The following ACSL5 variants were observed in gnomAD, a reference collection of about 807,000 sequenced individuals.
The protein encoded by ACSL5 is acyl-CoA synthetase long chain family member 5, also known as long-chain-fatty-acid--CoA ligase 5.
A neutral mutation model predicts 84.9 loss-of-function variants in ACSL5; 50 were observed. The observed-to-expected ratio is 0.59, with a 90% CI of 0.47 to 0.75. The LOEUF (loss-of-function observed/expected upper bound fraction) is 0.75, where lower values mean the gene tolerates loss of function less well. Among genes scored for constraint, ACSL5 ranks in the 30% least tolerant of loss-of-function variants. ACSL5 has a pLI of 0.00. For synonymous variants in ACSL5, 280 were observed against 300.7 expected, an observed-to-expected ratio of 0.93 and a Z score of 0.71; for missense variants, 775 against 830.4, an observed-to-expected ratio of 0.93 and a Z score of 0.82.
chr10:112,411,588 T>G, intron 10 of ACSL5, 59 bp downstream of exon 10: 1 of 1,517,016 alleles, frequency 6.6e-7, no homozygotes, highest in Non-Finnish European at 9.1e-7. Flanking sequence ...ATAAGATTTT[T>G]ATTTTTGAGG....
chr10:112,394,849 C>A, intron 1 of ACSL5, 69 bp from the exon 2 acceptor site: 1 of 1,573,334 alleles, frequency 6.4e-7, no homozygotes. Flanking sequence ...CTTCTGAAAA[C>A]ATAGAGCTAT....
chr10:112,385,562 A>G (rs1373589522), intron 1 of ACSL5, among the ~76,000 whole-genome samples: 2 of 152,222 alleles, frequency 1.3e-5, no homozygotes, highest in African/African-American at 2.4e-5. Flanking sequence ...TTAAATCTGC[A>G]TTCTTAAGAA....
intron 2 of ACSL5, among the ~76,000 whole-genome samples, chr10:112,397,225 A>G (rs1589680897): frequency 6.7e-6 from 1 of 150,346 alleles, no homozygotes; most frequent in South Asian, 2.1e-4. Flanking sequence ...TTGGAGTGCA[A>G]ATGGTGTGAT....
chr10:112,388,728 T>C (rs917539447), intron 1 of ACSL5, among the ~76,000 whole-genome samples: 1 of 152,202 alleles, frequency 6.6e-6, no homozygotes, highest in East Asian at 1.9e-4. Context: ...AACAGTGTCA[T>C]GGAGAAGAGA....
At chr10:112,426,097 A>AC (rs1844687651) in intron 18 of ACSL5, among the ~76,000 whole-genome samples, 161 bp from the exon 19 acceptor site, 1 of 22,258 alleles carries the variant, frequency 4.5e-5, no homozygotes, top group South Asian at 2.8e-3. Flanking sequence ...TTACAGTTCC[A>AC]TGGTGTTGAA....
At chr10:112,421,857 T>A in intron 15 of ACSL5, 90 bp from the exon 16 acceptor site, 1 of 1,441,574 alleles carries the variant, frequency 6.9e-7, no homozygotes, top group Non-Finnish European at 9.7e-7. Context: ...GTCTTCCTCT[T>A]CTAGAGTCAA....
intron 7 of ACSL5, chr10:112,410,199 A>T: frequency 6.7e-7 from 1 of 1,483,372 alleles, no homozygotes; most frequent in Non-Finnish European, 9.0e-7. Context: ...TTAGGGCCCT[A>T]GATGACTGAA....
chr10:112,387,153 A>G (rs1202364857), intron 1 of ACSL5, among the ~76,000 whole-genome samples: 2 of 152,220 alleles, frequency 1.3e-5, no homozygotes, highest in African/African-American at 4.8e-5. Context: ...GGCTTTTTCC[A>G]TATGATGCTT....
chr10:112,422,218 T>C (rs1364240898), intron 16 of ACSL5, 107 bp from the exon 17 acceptor site: 2 of 1,098,150 alleles, frequency 1.8e-6, no homozygotes, highest in South Asian at 1.4e-5. Flanking sequence ...CTTCACAGTG[T>C]AGTGGAAGCC....
At chr10:112,387,935 C>T (rs1272606158) in intron 1 of ACSL5, among the ~76,000 whole-genome samples, 17 of 108,420 alleles carry the variant, frequency 1.6e-4, no homozygotes, top group African/African-American at 5.3e-4. Flanking sequence ...TTTATTTGTT[C>T]CTTTTTTTTT....
intron 3 of ACSL5, among the ~76,000 whole-genome samples, chr10:112,400,534 G>A (rs992672361): frequency 3.4e-5 from 5 of 145,944 alleles, no homozygotes; most frequent in African/African-American, 1.3e-4. Flanking sequence ...TCAGCCTCCC[G>A]AGTAGCTGGG....
Position 112,409,538 on chromosome 10 carries a change from C to T in ACSL5, c.564C>T (p.Pro188=). ...ADIAMVICDT[P]QKALVLIGNV... ...TCGCCATGGTGATCTGTGACACACC[C>T]CAAAAGGCATTGGTGCTGATAGGGA... Residue 188 remains proline, a synonymous_variant, in exon 7 of 21, where the codon CCC becomes CCT. Coordinates refer to ENST00000354655, the MANE Select transcript of ACSL5 (RefSeq NM_203379.2). 1.2e-6 allele frequency: 2 copies of T among 1,613,722 alleles called. No individual in the cohort carries two copies. The highest frequency in any genetic ancestry group is 1.7e-6 in the Non-Finnish European group (2 of 1,179,988).
chr10:112,416,502 T>A (rs1183571048), intron 12 of ACSL5, among the ~76,000 whole-genome samples: 1 of 150,838 alleles, frequency 6.6e-6, no homozygotes, highest in Non-Finnish European at 1.5e-5. Flanking sequence ...AAAATCAGAT[T>A]CGTAGGCTGC....
At chr10:112,383,211 G>T (rs1849385055) in intron 1 of ACSL5, among the ~76,000 whole-genome samples, 1 of 152,226 alleles carries the variant, frequency 6.6e-6, no homozygotes, top group South Asian at 2.1e-4. Flanking sequence ...CTTAAGCCTG[G>T]GAAGTTAACA....
At chr10:112,384,939 A>C (rs1481424139) in intron 1 of ACSL5, among the ~76,000 whole-genome samples, 1 of 152,194 alleles carries the variant, frequency 6.6e-6, no homozygotes, top group African/African-American at 2.4e-5. Flanking sequence ...CTGGCAGTAC[A>C]TCATGAGCTC....
In ACSL5 at chr10:112,427,346, C is replaced by T. The variant is rs146016544; in HGVS notation, c.2040C>T (p.His680=). ...CCCAAATTGACAGCCTGTATGAGCA[C>T]ATCCAGGATTAGGATAAGGTACTTA... The part of the protein sequence containing the change: ...FRTQIDSLYE[H]IQD The change falls in exon 21 of 21, where the codon CAC becomes CAT. Residue 680 remains histidine, a synonymous_variant. Transcript: ENST00000354655. The T allele has an allele frequency of 5.3e-5, 85 of 1,612,730 alleles. No homozygotes were observed. The African/African-American group carries it at 9.7e-4, about 18-fold the overall frequency.
intron 7 of ACSL5, chr10:112,410,163 A>C: frequency 7.3e-7 from 1 of 1,377,208 alleles, no homozygotes; most frequent in Non-Finnish European, 9.5e-7. Flanking sequence ...AATGTTAGCT[A>C]TTCATTTCTT....
chr10:112,413,928 C>T (rs997732485), intron 12 of ACSL5, among the ~76,000 whole-genome samples: 1 of 152,020 alleles, frequency 6.6e-6, no homozygotes, highest in East Asian at 1.9e-4. Flanking sequence ...TGCATCCTCT[C>T]ATTGAATCCT....
chr10:112,428,292 G>C lies in ACSL5; in HGVS notation c.*934G>C, dbSNP rs1367927848. On this transcript the variant is annotated 3_prime_UTR_variant, in exon 21 of 21. Transcript: ENST00000354655. ...ACTGATCTCCCCCACCCTTGGATTA[G>C]AGTTCCTGCTCTACCTTACCCACAG... The C allele has an allele frequency of 5.1e-6, 2 of 392,790 alleles. No homozygotes were observed. Among genetic ancestry groups the C allele is most frequent in the African/African-American group, 4.1e-5 (2 of 48,498 alleles). The allele number at this position is 392,790 out of a possible 1,614,324, so 24.3% of individuals were successfully genotyped here.
Sources: allele counts gnomAD v4.1 joint callset (sites outside exome capture counted in the v4.1 genomes callset), GRCh38; gene constraint gnomAD v4.1.1; transcripts MANE v1.5; gene names NCBI Gene and HGNC (gene_info 2026-07-23, HGNC 2026-07-21).